Variants in NTM observed in about 807,000 individuals in gnomAD.
NTM encodes IgLON family member 2.
A neutral mutation model predicts 42.1 loss-of-function variants in NTM; 13 were observed. The ratio of observed to expected loss-of-function variants is 0.31; its 90% CI spans 0.20 to 0.49. NTM has a LOEUF of 0.49. Among genes scored for constraint, NTM ranks in the 20% least tolerant of loss-of-function variants. The pLI is 0.99. For missense variants in NTM, 373 were observed against 452.8 expected (o/e 0.82, Z 1.60); for synonymous variants, 187 against 179.2 (o/e 1.04, Z -0.35).
chr11:132,248,190 G>C (rs563571506), intron 4 of NTM, among the ~76,000 whole-genome samples: 1 of 152,268 alleles, frequency 6.6e-6, no homozygotes, highest in Admixed American at 6.5e-5. Context: ...GGGAGGGAGA[G>C]ACAGGGGAAA....
At chr11:131,905,588 G>T (rs1343582110) in intron 1 of NTM, among the ~76,000 whole-genome samples, 1 of 151,580 alleles carries the variant, frequency 6.6e-6, no homozygotes, top group African/African-American at 2.4e-5. Flanking sequence ...GAAGTTTCCT[G>T]ATCTTCCAGG....
chr11:131,463,019 T>C (rs959716440), intron 1 of NTM, among the ~76,000 whole-genome samples: 9 of 131,590 alleles, frequency 6.8e-5, no homozygotes, highest in African/African-American at 3.4e-4. Context: ...CCTCTCCACA[T>C]CTTCTTTGCA....
intron 1 of NTM, among the ~76,000 whole-genome samples, chr11:131,622,546 A>G (rs927065960): frequency 6.6e-6 from 1 of 152,226 alleles, no homozygotes; most frequent in Admixed American, 6.5e-5. Flanking sequence ...TGACCAGATT[A>G]TTAAATTAAC....
At chr11:132,249,856 AT>A in intron 4 of NTM, among the ~76,000 whole-genome samples, 1 of 152,116 alleles carries the variant, frequency 6.6e-6, no homozygotes, top group Non-Finnish European at 1.5e-5. Context: ...AATAATTTTA[AT>A]TTTCTCTCTC....
At chr11:131,861,468 A>G (rs1461344806) in intron 1 of NTM, among the ~76,000 whole-genome samples, 1 of 151,780 alleles carries the variant, frequency 6.6e-6, no homozygotes, top group Non-Finnish European at 1.5e-5. Flanking sequence ...TCATCCTTCT[A>G]TGTCCTCTAT....
chr11:131,587,151 A>G (rs369240853), intron 1 of NTM, among the ~76,000 whole-genome samples: 1 of 152,206 alleles, frequency 6.6e-6, no homozygotes. Flanking sequence ...CATTTTACAG[A>G]TAAGGTAGCT....
At chr11:131,892,649 G>A (rs1435362578) in intron 1 of NTM, among the ~76,000 whole-genome samples, 3 of 152,230 alleles carry the variant, frequency 2.0e-5, no homozygotes, top group African/African-American at 7.2e-5. Flanking sequence ...CAGACTTGAG[G>A]GTGGAGGAAA....
intron 4 of NTM, among the ~76,000 whole-genome samples, chr11:132,283,550 T>C (rs2094093057): frequency 6.6e-6 from 1 of 152,160 alleles, no homozygotes; most frequent in Non-Finnish European, 1.5e-5. Context: ...ATGTGATGCC[T>C]ATTTATGCTT....
chr11:131,696,780 C>T lies in NTM; in HGVS notation c.83-214784C>T, dbSNP rs186737268. Among the ~76,000 whole-genome samples the T allele has an allele frequency of 6.9e-3, 992 of 143,604 alleles. 10 individuals are homozygous for T. Among genetic ancestry groups the T allele is most frequent in the Admixed American group, 7.7e-3 (117 of 15,128 alleles). 94.2% of individuals were successfully genotyped at this position (143,604 alleles called of 152,430 possible). A position where few individuals can be genotyped will look rare whatever the true frequency, so the allele number is the denominator to read the frequency against. ...TTTGTGTCTCAAACAGGCACACCCA[C>T]GCATGCACACACACACACACACACA... On this transcript the variant is annotated intron_variant, in intron 1 of 8. Transcript: ENST00000683400.
At chr11:132,237,299 C>A (rs895927) in intron 4 of NTM, among the ~76,000 whole-genome samples, 1 of 151,906 alleles carries the variant, frequency 6.6e-6, no homozygotes, top group African/African-American at 2.4e-5. Flanking sequence ...TGGACTTACG[C>A]TCTCGGCTCC....
chr11:132,131,794 A>G (rs993618358), intron 2 of NTM, among the ~76,000 whole-genome samples: 2 of 152,134 alleles, frequency 1.3e-5, no homozygotes, highest in Non-Finnish European at 2.9e-5. Context: ...TGGACTGAAG[A>G]GGGTTGCGTG....
intron 1 of NTM, among the ~76,000 whole-genome samples, chr11:131,470,055 C>T (rs1392428000): frequency 1.3e-5 from 2 of 152,172 alleles, no homozygotes; most frequent in African/African-American, 4.8e-5. Flanking sequence ...CATGGAATAG[C>T]TTGCACCTGT....
At chr11:131,576,453 A>G (rs929787965) in intron 1 of NTM, among the ~76,000 whole-genome samples, 10 of 152,174 alleles carry the variant, frequency 6.6e-5, no homozygotes, top group Admixed American at 5.9e-4. Context: ...CCATTGTCTT[A>G]TACTTTTGCT....
At chr11:131,537,273 A>G (rs1466393323) in intron 1 of NTM, 1 of 151,824 alleles carries the variant, frequency 6.6e-6, no homozygotes, top group Non-Finnish European at 1.5e-5. Flanking sequence ...TTGAGGCCCC[A>G]TCTTGACAAC....
At chr11:131,475,677 C>T (rs1424908350) in intron 1 of NTM, among the ~76,000 whole-genome samples, 2 of 151,902 alleles carry the variant, frequency 1.3e-5, no homozygotes, top group African/African-American at 4.8e-5. Context: ...GAATTATCAC[C>T]CACGAAGCCC....
chr11:131,821,407 T>C (rs2093182560), intron 1 of NTM, among the ~76,000 whole-genome samples: 1 of 152,214 alleles, frequency 6.6e-6, no homozygotes, highest in African/African-American at 2.4e-5. Flanking sequence ...TCTGAGCTGA[T>C]AGGCACTCTG....
intron 1 of NTM, among the ~76,000 whole-genome samples, chr11:131,819,113 C>T (rs2093071111): frequency 6.6e-6 from 1 of 151,786 alleles, no homozygotes; most frequent in Non-Finnish European, 1.5e-5. Flanking sequence ...GCCTTCATGG[C>T]CTGCTGGTTG....
chr11:132,053,801 A>AT (rs1011466405), intron 2 of NTM, among the ~76,000 whole-genome samples: 9 of 152,230 alleles, frequency 5.9e-5, no homozygotes, highest in East Asian at 1.9e-4. Context: ...TAGGTTCTTT[A>AT]TTTTTTTGTG....
At chr11:131,579,867 A>G (rs1259231403) in intron 1 of NTM, among the ~76,000 whole-genome samples, 4 of 152,220 alleles carry the variant, frequency 2.6e-5, no homozygotes, top group East Asian at 1.9e-4. Flanking sequence ...CTATATTTCT[A>G]TAAAAACTAC....
Sources: gnomAD v4.1 joint callset for allele counts (sites outside exome capture counted in the v4.1 genomes callset) on GRCh38, gnomAD v4.1.1 for gene constraint, MANE v1.5 for transcripts, NCBI Gene and HGNC (gene_info 2026-07-23, HGNC 2026-07-21) for gene names.